GPC4: variants seen among roughly 807,000 people sequenced by gnomAD.
GPC4 encodes the protein glypican-4.
In GPC4, 10 loss-of-function variants were observed where a neutral mutation model predicts 35.0. The ratio of observed to expected loss-of-function variants is 0.29; its 90% CI spans 0.18 to 0.48. GPC4 has a LOEUF of 0.48. Ranked by LOEUF, GPC4 falls within the 20% of genes least tolerant of loss-of-function variation. The pLI is 0.99. For missense variants in GPC4, 322 were observed against 451.3 expected, an observed-to-expected ratio of 0.71 and a Z score of 2.60; for synonymous variants, 167 against 170.2, an observed-to-expected ratio of 0.98 and a Z score of 0.15.
At position 133,384,611 on chromosome X, in the gene GPC4, G is replaced by C. The variant is rs183927353; in HGVS notation, c.160+30195C>G. On this transcript the variant is annotated intron_variant, in intron 1 of 8. Coordinates refer to ENST00000370828, the MANE Select transcript of GPC4 (RefSeq NM_001448.3). ...GAAGGCTCCAGAAGGCTCAGGCCCCGGGCTATAGCGTGACAGGTACAAGCA... is the reference window on the plus strand; with the variant it reads ...GAAGGCTCCAGAAGGCTCAGGCCCCCGGCTATAGCGTGACAGGTACAAGCA... Among the ~76,000 whole-genome samples, 607 of 111,121 alleles carry C rather than the reference G, an allele frequency of 5.5e-3. 4 individuals carry two copies. The highest frequency in any genetic ancestry group is 0.019 in the African/African-American group (576 of 30,555).
At chrX:133,306,600 T>C (rs1466883634) in intron 4 of GPC4, among the ~76,000 whole-genome samples, 1 of 112,136 alleles carries the variant, frequency 8.9e-6, no homozygotes. Context: ...GTTAAGATGC[T>C]GGCATATTAA....
At chrX:133,305,402 G>A (rs1220647003) in intron 6 of GPC4, among the ~76,000 whole-genome samples, 1 of 112,056 alleles carries the variant, frequency 8.9e-6, no homozygotes, top group African/African-American at 3.2e-5. Context: ...ATGTTAATAA[G>A]CCTGGAACAT....
In GPC4 at chrX:133,303,147, T is replaced by C. The variant is rs1257210661; in HGVS notation, c.1468+19A>G. The C allele has an allele frequency of 1.7e-6, 2 of 1,208,154 alleles. No homozygotes were observed. The highest frequency in any genetic ancestry group is 1.1e-6 in the Non-Finnish European group (1 of 893,584). The stretch of plus-strand genomic sequence containing the variant: ...AGACATACAAGAGCAATTCGTACTT[T>C]CAAACCACAAATGCTTACTGATATC... On this transcript the variant is annotated intron_variant, in intron 8 of 8. Transcript: ENST00000370828.
chrX:133,344,027 T>C (rs765555032), intron 1 of GPC4, among the ~76,000 whole-genome samples: 3 of 109,081 alleles, frequency 2.8e-5, no homozygotes, highest in Non-Finnish European at 3.8e-5. Context: ...GATGTACAAA[T>C]GGGGTGCGGC....
At chrX:133,354,180 G>A (rs767241582) in intron 1 of GPC4, among the ~76,000 whole-genome samples, 8 of 111,362 alleles carry the variant, frequency 7.2e-5, no homozygotes, top group Admixed American at 3.8e-4. Flanking sequence ...TATGCAGTTC[G>A]GGATATACTT....
chrX:133,329,893 CTT>C (rs2068411180), intron 2 of GPC4, among the ~76,000 whole-genome samples: 2 of 111,600 alleles, frequency 1.8e-5, no homozygotes, highest in South Asian at 7.6e-4. Flanking sequence ...AATATCCTGT[CTT>C]TTAAAAAAGA....
intron 1 of GPC4, among the ~76,000 whole-genome samples, chrX:133,389,618 G>A (rs988060826): frequency 3.6e-5 from 4 of 111,292 alleles, no homozygotes; most frequent in Admixed American, 1.9e-4. Context: ...GCTGTTTTGG[G>A]GAAACAGCTC....
chrX:133,374,421 CAA>C (rs779885394), intron 1 of GPC4, among the ~76,000 whole-genome samples: 1 of 111,091 alleles, frequency 9.0e-6, no homozygotes, highest in East Asian at 2.9e-4. Flanking sequence ...AGGAAATGTG[CAA>C]AGTCACAAAG....
At chrX:133,369,177 T>C (rs1243642815) in intron 1 of GPC4, among the ~76,000 whole-genome samples, 1 of 111,754 alleles carries the variant, frequency 8.9e-6, no homozygotes, top group Non-Finnish European at 1.9e-5. Flanking sequence ...GTTAGTGCTG[T>C]ATGTTTGCTT....
At chrX:133,374,136 G>A (rs2068623919) in intron 1 of GPC4, among the ~76,000 whole-genome samples, 3 of 111,434 alleles carry the variant, frequency 2.7e-5, no homozygotes, top group African/African-American at 9.8e-5. Context: ...TAAAGCTGGG[G>A]GAAAGACACC....
At chrX:133,375,676 CCTTT>C (rs1405359086) in intron 1 of GPC4, among the ~76,000 whole-genome samples, 3 of 111,970 alleles carry the variant, frequency 2.7e-5, no homozygotes, top group African/African-American at 6.5e-5. Flanking sequence ...CAAGCCTCCT[CCTTT>C]CTTTTTCTTT....
chrX:133,406,747 CAAAAAAA>C (rs56973194), intron 1 of GPC4, among the ~76,000 whole-genome samples: 14 of 38,320 alleles, frequency 3.7e-4, no homozygotes, highest in East Asian at 1.6e-3. Context: ...GACTTCGTCT[CAAAAAAA>C]AAAAAAAAAA....
Position 133,415,004 on chromosome X carries a change from C to G in GPC4, c.-39G>C. The stretch of plus-strand genomic sequence containing the variant: ...GCGGACGCGTTCCCACCTTTGGGAC[C>G]GGACGGGAAGCGGCGCTACGGCAGC... On this transcript the variant is annotated 5_prime_UTR_variant, in exon 1 of 9. Transcript: ENST00000370828. 8.4e-7 allele frequency: 1 copy of G among 1,183,698 alleles called. No individual in the cohort carries two copies. Among genetic ancestry groups the G allele is most frequent in the Non-Finnish European group, 1.1e-6 (1 of 877,204 alleles).
In GPC4 at chrX:133,302,868, T is replaced by A. The variant is rs1302540398; in HGVS notation, c.1670A>T (p.Ter557LeuextTer13). Residue 557 changes from the stop codon to leucine (L), a stop_lost, in exon 9 of 9, where the codon TAA (stop) becomes TTA (leucine). Transcript: ENST00000370828. ...LFLVMQREWR[*>L] The stretch of plus-strand genomic sequence containing the variant: ...ACACTTTTTCTCAGAGTTTGAGAAT[T>A]ATCTCCACTCTCTCTGCATAACCAG... 1 of 1,205,650 alleles carries A rather than the reference T, an allele frequency of 8.3e-7. No homozygotes were observed. The highest frequency in any genetic ancestry group is 1.1e-6 in the Non-Finnish European group (1 of 891,746).
chrX:133,352,107 A>G (rs1316099349), intron 1 of GPC4, among the ~76,000 whole-genome samples: 1 of 111,722 alleles, frequency 9.0e-6, no homozygotes, highest in Non-Finnish European at 1.9e-5. Flanking sequence ...AAGATCTCTG[A>G]GGTCCTCTAA....
At chrX:133,390,338 A>T (rs2068713855) in intron 1 of GPC4, among the ~76,000 whole-genome samples, 1 of 112,046 alleles carries the variant, frequency 8.9e-6, no homozygotes, top group Admixed American at 9.5e-5. Flanking sequence ...ACAAATGGGA[A>T]CATAGTAACA....
chrX:133,361,030 C>T (rs1353807518), intron 1 of GPC4, among the ~76,000 whole-genome samples: 2 of 111,784 alleles, frequency 1.8e-5, no homozygotes, highest in African/African-American at 6.5e-5. Flanking sequence ...AGGGAAAAAT[C>T]TCTTACTCAT....
chrX:133,361,910 G>A (rs1275159607), intron 1 of GPC4, among the ~76,000 whole-genome samples: 1 of 111,102 alleles, frequency 9.0e-6, no homozygotes, highest in Non-Finnish European at 1.9e-5. Context: ...TAGAAGCAAA[G>A]AGCTTGAAAA....
chrX:133,331,756 CT>C (rs1404967667), intron 2 of GPC4, among the ~76,000 whole-genome samples: 1 of 60,572 alleles, frequency 1.7e-5, no homozygotes, highest in Non-Finnish European at 2.7e-5. Context: ...GTGAGACTGT[CT>C]AAAAAAAAAA....
Sources: allele counts gnomAD v4.1 joint callset (sites outside exome capture counted in the v4.1 genomes callset), GRCh38; gene constraint gnomAD v4.1.1; transcripts MANE v1.5; gene names NCBI Gene and HGNC (gene_info 2026-07-23, HGNC 2026-07-21).